RNF2: variants seen among roughly 807,000 people sequenced by gnomAD.
The protein encoded by RNF2 is E3 ubiquitin-protein ligase RING2.
Under a neutral mutation model 37.2 loss-of-function variants are expected in RNF2, and 6 were observed. The observed-to-expected ratio is 0.16, with a 90% confidence interval of 0.09 to 0.32. The LOEUF (loss-of-function observed/expected upper bound fraction) is 0.32, where lower values mean the gene tolerates loss of function less well. RNF2 is among the 10% of genes least tolerant of loss of function. The pLI is 1.00. For missense variants in RNF2, 251 were observed against 404.0 expected (o/e 0.62, Z 3.25); for synonymous variants, 133 against 132.7 (o/e 1.00, Z -0.02).
In RNF2 at chr1:185,066,405, T is replaced by G. The variant is rs377031718; in HGVS notation, c.-3+20756T>G. Among the ~76,000 whole-genome samples the G allele has an allele frequency of 5.3e-5, 8 of 152,336 alleles. 1 individual carries two copies. Among genetic ancestry groups the G allele is most frequent in the African/African-American group, 1.7e-4 (7 of 41,582 alleles). ...TTATGTTGGTCCTTCAGGACTGCTT[T>G]CTTTCCTCGCTTGGTTAACTTTCAC... is the stretch of plus-strand genomic sequence containing the variant. On this transcript the variant is annotated intron_variant, in intron 1 of 6. Transcript: ENST00000367510.
chr1:185,091,489 G>T, intron 2 of RNF2, 90 bp from the exon 3 acceptor site: 2 of 1,340,724 alleles, frequency 1.5e-6, no homozygotes, highest in Non-Finnish European at 2.1e-6. Flanking sequence ...ATATATGTTT[G>T]TTTTTACCAT....
rs571756185 is a variant in RNF2 at position 185,082,638 on chromosome 1, A to G, written c.-2-4914A>G. Among the ~76,000 whole-genome samples, 284 of 152,120 alleles carry G rather than the reference A, an allele frequency of 1.9e-3. 1 individual carries two copies. The highest frequency in any genetic ancestry group is 6.7e-3 in the African/African-American group (278 of 41,514). The stretch of plus-strand genomic sequence containing the variant: ...CCAAAGTGCTGGGGTTACAGGCGTG[A>G]GCCACCGCACCCAGCCTGCAGAACT... On this transcript the variant is annotated intron_variant, in intron 1 of 6. Transcript: ENST00000367510.
intron 1 of RNF2, among the ~76,000 whole-genome samples, chr1:185,069,099 A>C (rs1650888101): frequency 6.6e-6 from 1 of 152,194 alleles, no homozygotes; most frequent in Admixed American, 6.5e-5. Context: ...AACATAGTGT[A>C]AGCTCTTTTG....
In RNF2 at chr1:185,072,840, T is replaced by A. The variant is rs564602466; in HGVS notation, c.-2-14712T>A. On this transcript the variant is annotated intron_variant, in intron 1 of 6. Coordinates refer to ENST00000367510, the MANE Select transcript of RNF2 (RefSeq NM_007212.4). ...CTGTAGTCCCAGCTACTTGGGAGTC[T>A]GAGGCAGGAGAATCGCTTGAACCCA... Among the ~76,000 whole-genome samples the A allele has an allele frequency of 9.5e-4, 144 of 152,222 alleles. 1 individual carries two copies. The highest frequency in any genetic ancestry group is 3.1e-3 in the Admixed American group (47 of 15,286).
intron 1 of RNF2, among the ~76,000 whole-genome samples, chr1:185,074,983 G>A (rs964234546): frequency 1.3e-4 from 20 of 149,926 alleles, no homozygotes; most frequent in African/African-American, 4.5e-4. Context: ...ATATAGTTCC[G>A]TGTGTGTGTG....
rs117669733 is a variant in RNF2, at chr1:185,048,449, C to T, written c.-3+2800C>T. Among the ~76,000 whole-genome samples the T allele has an allele frequency of 7.9e-4, 121 of 152,230 alleles. 2 individuals are homozygous for T. In the East Asian group the frequency reaches 0.021, roughly 26 times the overall value. On this transcript the variant is annotated intron_variant, in intron 1 of 6. Coordinates refer to ENST00000367510, the MANE Select transcript of RNF2 (RefSeq NM_007212.4). ...ATTTCTATTGCTTAAATTTACTTCT[C>T]CCATTTCATTTTGAGAATTAACATG...
At chr1:185,074,194 TAG>T (rs970102734) in intron 1 of RNF2, among the ~76,000 whole-genome samples, 1 of 152,320 alleles carries the variant, frequency 6.6e-6, no homozygotes, top group East Asian at 1.9e-4. Context: ...CCTGTGGAGT[TAG>T]AGTGTATCAC....
intron 4 of RNF2, among the ~76,000 whole-genome samples, chr1:185,094,503 T>G (rs1186613223): frequency 2.0e-5 from 3 of 152,114 alleles, no homozygotes; most frequent in Non-Finnish European, 4.4e-5. Context: ...AAACAAATAT[T>G]TTTTGCTTTC....
At chr1:185,046,542 A>G (rs1057256372) in intron 1 of RNF2, among the ~76,000 whole-genome samples, 2 of 152,212 alleles carry the variant, frequency 1.3e-5, no homozygotes, top group Non-Finnish European at 2.9e-5. Flanking sequence ...GCTAAGATCA[A>G]TTATAGACTC....
At chr1:185,073,691 A>G (rs1176308035) in intron 1 of RNF2, among the ~76,000 whole-genome samples, 1 of 152,270 alleles carries the variant, frequency 6.6e-6, no homozygotes, top group African/African-American at 2.4e-5. Context: ...AATGCAGGTA[A>G]GACAATTACA....
chr1:185,095,656 C>T (rs1013554480), intron 4 of RNF2, among the ~76,000 whole-genome samples: 2 of 152,208 alleles, frequency 1.3e-5, no homozygotes, highest in Non-Finnish European at 2.9e-5. Flanking sequence ...AGTAGCTGCT[C>T]AGTAAATATT....
At chr1:185,089,939 TGA>T (rs1651718747) in intron 2 of RNF2, among the ~76,000 whole-genome samples, 2 of 151,980 alleles carry the variant, frequency 1.3e-5, no homozygotes, top group South Asian at 4.2e-4. Context: ...GCTTTTTTTT[TGA>T]GACAGAGTAT....
intron 1 of RNF2, chr1:185,046,080 T>C (rs1455222407): frequency 6.6e-6 from 1 of 151,954 alleles, no homozygotes; most frequent in Non-Finnish European, 1.5e-5. Context: ...TCTCTGGGCT[T>C]TCGCCTCGCA....
chr1:185,099,397 C>G (rs796776375), intron 5 of RNF2, among the ~76,000 whole-genome samples: 76 of 152,162 alleles, frequency 5.0e-4, no homozygotes, highest in African/African-American at 1.6e-3. Flanking sequence ...AATTCTTAGA[C>G]AATAAGAAAT....
rs1260157699 is a variant in RNF2 at position 185,087,647 on chromosome 1, A to C, written c.87+7A>C. ...GTTACAACGAACACCTCAGGTAATGACTAAGATGACTGCCAAGGGGCATAT... is the reference window on the plus strand; with the variant it reads ...GTTACAACGAACACCTCAGGTAATGCCTAAGATGACTGCCAAGGGGCATAT... On this transcript the variant is annotated splice_region_variant and intron_variant, in intron 2 of 6. Coordinates refer to ENST00000367510, the MANE Select transcript of RNF2 (RefSeq NM_007212.4). 6.2e-7 allele frequency: 1 copy of C among 1,605,036 alleles called. No homozygotes were observed. Among genetic ancestry groups the C allele is most frequent in the Non-Finnish European group, 8.5e-7 (1 of 1,171,874 alleles).
chr1:185,087,458 T>A, intron 1 of RNF2, 94 bp from the exon 2 acceptor site: 2 of 1,015,412 alleles, frequency 2.0e-6, no homozygotes, highest in Non-Finnish European at 3.1e-6. Context: ...GAGATTAGAT[T>A]TCAACGTAGG....
At chr1:185,075,734 A>C (rs1651129190) in intron 1 of RNF2, among the ~76,000 whole-genome samples, 1 of 151,942 alleles carries the variant, frequency 6.6e-6, no homozygotes, top group African/African-American at 2.4e-5. Context: ...TTAACACGAG[A>C]ACAGCAAGGG....
chr1:185,098,548 C>G (rs1040555745), intron 5 of RNF2, among the ~76,000 whole-genome samples: 12 of 152,112 alleles, frequency 7.9e-5, no homozygotes, highest in Non-Finnish European at 1.5e-4. Flanking sequence ...AGGAATGACT[C>G]TCCTTGGTAG....
chr1:185,074,340 T>C (rs570250303), intron 1 of RNF2, among the ~76,000 whole-genome samples: 1 of 152,128 alleles, frequency 6.6e-6, no homozygotes, highest in East Asian at 1.9e-4. Context: ...CCCTCTTTAG[T>C]GGTAGGGGTA....
Sources: allele counts gnomAD v4.1 joint callset (sites outside exome capture counted in the v4.1 genomes callset), GRCh38; gene constraint gnomAD v4.1.1; transcripts MANE v1.5; gene names NCBI Gene and HGNC (gene_info 2026-07-23, HGNC 2026-07-21).